The following RASGRF2 variants were observed in gnomAD, a reference collection of about 807,000 sequenced individuals.
RASGRF2 encodes Ras protein specific guanine nucleotide releasing factor 2, also known as ras-specific guanine nucleotide-releasing factor 2.
RASGRF2 carries 76 observed loss-of-function variants against 151.0 expected under a neutral mutation model. That is an observed-to-expected ratio of 0.50 (90% CI 0.42 to 0.61). The LOEUF (loss-of-function observed/expected upper bound fraction) is 0.61. Ranked by LOEUF, RASGRF2 falls within the 20% of genes least tolerant of loss-of-function variation. The pLI, the probability that RASGRF2 is intolerant of heterozygous loss-of-function variation, is 0.00. For missense variants in RASGRF2, 1,148 were observed against 1,564.6 expected (o/e 0.73, Z 4.49); for synonymous variants, 504 against 566.5 (o/e 0.89, Z 1.57).
At chr5:81,094,419 C>A in intron 11 of RASGRF2, 57 bp downstream of exon 11, 2 of 1,500,834 alleles carry the variant, frequency 1.3e-6, no homozygotes, top group Non-Finnish European at 1.8e-6. Context: ...GAGAGAGAGG[C>A]TGAGGATAAA....
chr5:81,119,489 T>C (rs923241046), intron 15 of RASGRF2, among the ~76,000 whole-genome samples: 5 of 152,236 alleles, frequency 3.3e-5, no homozygotes, highest in African/African-American at 1.2e-4. Context: ...CACTGTTGCA[T>C]TGGAGTTTAA....
chr5:81,150,590 G>A (rs1482479748), intron 17 of RASGRF2, among the ~76,000 whole-genome samples: 1 of 151,974 alleles, frequency 6.6e-6, no homozygotes, highest in African/African-American at 2.4e-5. Context: ...TTATTCTTTG[G>A]ATTTCTTCCT....
At chr5:81,012,042 G>A (rs191291785) in intron 1 of RASGRF2, among the ~76,000 whole-genome samples, 15 of 152,278 alleles carry the variant, frequency 9.9e-5, no homozygotes, top group Admixed American at 7.2e-4. Flanking sequence ...AGCTATGACC[G>A]TGAACTTGTC....
At chr5:80,976,705 C>G (rs1478390414) in intron 1 of RASGRF2, among the ~76,000 whole-genome samples, 1 of 152,204 alleles carries the variant, frequency 6.6e-6, no homozygotes, top group Non-Finnish European at 1.5e-5. Context: ...CACAAGGTGC[C>G]TGGCACTGAG....
intron 24 of RASGRF2, 137 bp downstream of exon 24, chr5:81,216,092 G>C: frequency 2.2e-6 from 2 of 899,058 alleles, no homozygotes; most frequent in Non-Finnish European, 3.0e-6. Flanking sequence ...TATCATCTAG[G>C]TATTTTTCTG....
chr5:81,201,114 G>A (rs1399645646), intron 18 of RASGRF2, among the ~76,000 whole-genome samples: 4 of 151,990 alleles, frequency 2.6e-5, no homozygotes, highest in African/African-American at 9.7e-5. Context: ...GCACCCCCTG[G>A]GGAGCCCCCA....
chr5:81,040,891 A>G (rs1020567135), intron 1 of RASGRF2, among the ~76,000 whole-genome samples: 5 of 152,326 alleles, frequency 3.3e-5, no homozygotes, highest in African/African-American at 1.2e-4. Context: ...AGAGATGAGC[A>G]TTAACTCTGG....
At chr5:81,030,759 C>G (rs996308008) in intron 1 of RASGRF2, among the ~76,000 whole-genome samples, 1 of 152,132 alleles carries the variant, frequency 6.6e-6, no homozygotes. Context: ...GCAAAATAAC[C>G]AGCTAACATC....
intron 18 of RASGRF2, among the ~76,000 whole-genome samples, chr5:81,199,567 C>A: frequency 6.6e-6 from 1 of 152,096 alleles, no homozygotes; most frequent in East Asian, 1.9e-4. Context: ...ATGATCCTTG[C>A]CTGAATCAGT....
intron 26 of RASGRF2, among the ~76,000 whole-genome samples, chr5:81,223,031 A>G (rs1755887654): frequency 6.6e-6 from 1 of 152,232 alleles, no homozygotes. Context: ...CAAAATCTGT[A>G]ATGACTAGGA....
At chr5:81,192,175 G>T (rs1247074387) in intron 18 of RASGRF2, among the ~76,000 whole-genome samples, 3 of 152,098 alleles carry the variant, frequency 2.0e-5, no homozygotes, top group African/African-American at 7.2e-5. Context: ...CCAGATTTGG[G>T]GTTTAATTGT....
At chr5:81,058,573 C>A (rs111521731) in intron 2 of RASGRF2, among the ~76,000 whole-genome samples, 94 of 151,956 alleles carry the variant, frequency 6.2e-4, no homozygotes, top group African/African-American at 2.1e-3. Context: ...AATGGCATGA[C>A]CTGAAAATTA....
intron 26 of RASGRF2, among the ~76,000 whole-genome samples, chr5:81,222,276 C>A (rs1755872166): frequency 6.6e-6 from 1 of 152,158 alleles, no homozygotes; most frequent in Non-Finnish European, 1.5e-5. Flanking sequence ...TATTCTATTA[C>A]CATGTGAATC....
intron 2 of RASGRF2, among the ~76,000 whole-genome samples, chr5:81,044,638 G>T (rs1750780660): frequency 6.6e-6 from 1 of 152,032 alleles, no homozygotes; most frequent in Non-Finnish European, 1.5e-5. Context: ...AAGCTAATAG[G>T]ATATTATTAT....
intron 1 of RASGRF2, among the ~76,000 whole-genome samples, chr5:80,985,581 G>A (rs1748449509): frequency 6.6e-6 from 1 of 152,168 alleles, no homozygotes; most frequent in African/African-American, 2.4e-5. Context: ...AAAGTAAGGA[G>A]TAAAGAAATG....
intron 2 of RASGRF2, among the ~76,000 whole-genome samples, chr5:81,055,138 C>T (rs1333767573): frequency 6.6e-6 from 1 of 152,162 alleles, no homozygotes; most frequent in Non-Finnish European, 1.5e-5. Context: ...CACCTGATTG[C>T]CCTGGCCAGA....
At chr5:81,202,077 C>T (rs1755408128) in intron 19 of RASGRF2, among the ~76,000 whole-genome samples, 2 of 152,112 alleles carry the variant, frequency 1.3e-5, no homozygotes, top group Admixed American at 6.5e-5. Context: ...ACCCAGTATC[C>T]AAGTGGGTAA....
rs749046515 is a variant in RASGRF2 at position 81,085,832 on chromosome 5, C to T, written c.1192C>T (p.Leu398Phe). 6.2e-7 allele frequency: 1 copy of T among 1,614,104 alleles called. No homozygotes were observed. The highest frequency in any genetic ancestry group is 8.5e-7 in the Non-Finnish European group (1 of 1,180,008). Reference protein sequence around the residue: ...IPRYIITLHELLAHTPHEHVE... With the variant: ...IPRYIITLHEFLAHTPHEHVE... ...CAGATATATCATCACACTCCATGAG[C>T]TCCTTGCTCACACACCCCATGAGCA... is the stretch of plus-strand genomic sequence containing the variant. The change falls in exon 8 of 27, where the codon CTC becomes TTC. Residue 398 changes from leucine (L) to phenylalanine (F), a missense_variant. Around this residue, in one of 5 missense-constraint regions of RASGRF2, gnomAD observed 176 missense variants for 309.6 expected, o/e 0.57. Coordinates refer to ENST00000265080, the MANE Select transcript of RASGRF2 (RefSeq NM_006909.3).
At chr5:81,121,516 G>A (rs912947742) in intron 15 of RASGRF2, among the ~76,000 whole-genome samples, 4 of 152,174 alleles carry the variant, frequency 2.6e-5, no homozygotes, top group South Asian at 2.1e-4. Flanking sequence ...GCAGGAGAAC[G>A]TCAAACAATG....
Sources: allele counts gnomAD v4.1 joint callset (sites outside exome capture counted in the v4.1 genomes callset), GRCh38; gene constraint gnomAD v4.1.1; regional missense constraint gnomAD v4.1.1; transcripts MANE v1.5; gene names NCBI Gene and HGNC (gene_info 2026-07-23, HGNC 2026-07-21).